CFAP92: variants seen among roughly 807,000 people sequenced by gnomAD.
CFAP92 encodes cilia and flagella associated protein 92 (putative).
In CFAP92, 86 loss-of-function variants were observed where a neutral mutation model predicts 106.3. The ratio of observed to expected loss-of-function variants is 0.81; its 90% CI spans 0.68 to 0.97. The LOEUF is 0.97. Ranked by LOEUF, CFAP92 falls within the 50% of genes least tolerant of loss-of-function variation. The pLI, the probability that CFAP92 is intolerant of heterozygous loss-of-function variation, is 0.00. For synonymous variants in CFAP92, 477 were observed against 506.4 expected (o/e 0.94, Z 0.78); for missense variants, 1,204 against 1,283.8 (o/e 0.94, Z 0.95).
chr3:128,961,001 T>C (rs1941864661), intron 9 of CFAP92, among the ~76,000 whole-genome samples: 1 of 152,228 alleles, frequency 6.6e-6, no homozygotes, highest in South Asian at 2.1e-4. Context: ...CCTTCCACCC[T>C]CCATTCCTCC....
At chr3:129,005,091 G>A (rs1945011888), upstream of CFAP92, among the ~76,000 whole-genome samples, 3 of 152,214 alleles carry the variant, frequency 2.0e-5, 1 homozygote, top group South Asian at 6.2e-4. Flanking sequence ...CTACACATTT[G>A]CTGAGCACTT....
At chr3:128,973,235 A>G (rs1942929671) in intron 7 of CFAP92, among the ~76,000 whole-genome samples, 1 of 152,204 alleles carries the variant, frequency 6.6e-6, no homozygotes, top group African/African-American at 2.4e-5. Flanking sequence ...GAATAGGAAA[A>G]TCACAGAAGA....
chr3:128,958,066 T>C (rs1009996294), intron 9 of CFAP92, among the ~76,000 whole-genome samples: 29 of 152,306 alleles, frequency 1.9e-4, no homozygotes, highest in African/African-American at 6.7e-4. Flanking sequence ...TGTGTCTGTC[T>C]CTGGGTCCAA....
chr3:128,939,138 G>C (rs930837179), intron 10 of CFAP92, among the ~76,000 whole-genome samples: 3 of 151,932 alleles, frequency 2.0e-5, no homozygotes, highest in African/African-American at 7.3e-5. Flanking sequence ...GTCTGCTAGA[G>C]TTATTTATTT....
intron 10 of CFAP92, among the ~76,000 whole-genome samples, chr3:128,936,922 C>T (rs2879784): frequency 0.14 from 21,934 of 152,090 alleles, 1,649 homozygotes; most frequent in Middle Eastern, 0.16. Context: ...GCCAAATGTA[C>T]GATTCTTTTC....
intron 13 of CFAP92, 89 bp downstream of exon 13, chr3:128,916,018 A>C: frequency 1.1e-6 from 1 of 941,782 alleles, no homozygotes; most frequent in Non-Finnish European, 1.4e-6. Flanking sequence ...TGTATAGTTG[A>C]GATCCCCCAC....
At chr3:128,980,532 T>C (rs1943466001) in intron 4 of CFAP92, among the ~76,000 whole-genome samples, 2 of 152,150 alleles carry the variant, frequency 1.3e-5, no homozygotes. Flanking sequence ...GATCAACTCT[T>C]CCTTTCATGA....
chr3:128,924,739 G>A (rs989989768), intron 12 of CFAP92, among the ~76,000 whole-genome samples: 1 of 152,038 alleles, frequency 6.6e-6, no homozygotes, highest in Admixed American at 6.5e-5. Context: ...GAGCCACCAC[G>A]CCCGACCGAT....
At chr3:128,976,920 G>T in intron 6 of CFAP92, 59 bp downstream of exon 6, 1 of 1,318,680 alleles carries the variant, frequency 7.6e-7, no homozygotes, top group Non-Finnish European at 1.1e-6. Context: ...ACGACTCATA[G>T]TAGGGCTAGT....
intron 1 of CFAP92, chr3:129,002,436 G>GCAGCCCCACACCATCCCACTCCGCAT: frequency 4.2e-6 from 6 of 1,413,264 alleles, no homozygotes; most frequent in Non-Finnish European, 5.5e-6. Context: ...GAGACAGAGG[G>GCAGCCCCACACCATCCCACTCCGCAT]CAGCCCCACA....
intron 9 of CFAP92, among the ~76,000 whole-genome samples, chr3:128,958,254 T>G (rs1369965711): frequency 1.3e-5 from 2 of 152,122 alleles, no homozygotes; most frequent in Non-Finnish European, 2.9e-5. Flanking sequence ...TTGACAAAAG[T>G]ATAGAGATAG....
rs1942313163 is a variant in CFAP92 at position 128,965,705 on chromosome 3, A to T, written c.1169-10T>A. The T allele has an allele frequency of 2.5e-6, 1 of 398,770 alleles. No individual in the cohort carries two copies. The highest frequency in any genetic ancestry group is 2.1e-5 in the African/African-American group (1 of 48,576). 24.7% of individuals were successfully genotyped at this position (398,770 alleles called of 1,614,324 possible). A position where few individuals can be genotyped will look rare whatever the true frequency, so the allele number is the denominator to read the frequency against. Reference sequence around the variant, plus strand: ...ACGACAGTTTGCCATCCTGGGGGAAATACACCCAGCATTAGACCTTTCCTC... The same window carrying T: ...ACGACAGTTTGCCATCCTGGGGGAATTACACCCAGCATTAGACCTTTCCTC... On this transcript the variant is annotated splice_polypyrimidine_tract_variant and intron_variant, in intron 8 of 15. Coordinates refer to ENST00000645291, the MANE Select transcript of CFAP92 (RefSeq NM_001394090.1).
intron 15 of CFAP92, among the ~76,000 whole-genome samples, chr3:128,911,877 C>T (rs930150850): frequency 7.2e-5 from 11 of 152,244 alleles, no homozygotes; most frequent in Non-Finnish European, 1.5e-4. Context: ...CAGTGCCCTG[C>T]AGAGGTCTCA....
At chr3:128,910,650 T>C in intron 15 of CFAP92, 3 of 1,381,204 alleles carry the variant, frequency 2.2e-6, no homozygotes, top group Non-Finnish European at 2.1e-6. Flanking sequence ...CCTGCCATGC[T>C]ACCCAGTTTG....
At position 128,988,745 on chromosome 3, in the gene CFAP92, G is replaced by T. The variant is rs1318038414; in HGVS notation, c.436C>A (p.Leu146Met). 6.2e-7 allele frequency: 1 copy of T among 1,613,442 alleles called. No homozygotes were observed. The highest frequency in any genetic ancestry group is 1.3e-5 in the African/African-American group (1 of 74,866). Residue 146 changes from leucine (L) to methionine (M), a missense_variant, in exon 3 of 16, where the codon CTG becomes ATG. Leu to Met is a conservative substitution (Grantham distance 15). Transcript: ENST00000645291. ...ACACGCACCTTTACTCCTGACTCCA[G>T]GAATACTTTGGCCACCATTGGAAAT... ...LLFPMVAKVF[L>M]ESGVKTVKPW...
At position 128,909,966 on chromosome 3, in the gene CFAP92, A is replaced by C; in HGVS notation, c.*333T>G. The stretch of plus-strand genomic sequence containing the variant: ...CAAAGATGCAGCCCAGGGAGGGACC[A>C]TGTGGGGGACTGGTCTAGGTAGTGA... On this transcript the variant is annotated 3_prime_UTR_variant, in exon 16 of 16. Transcript: ENST00000645291. 6.2e-7 allele frequency: 1 copy of C among 1,603,814 alleles called. No homozygotes were observed. The highest frequency in any genetic ancestry group is 1.1e-5 in the South Asian group (1 of 88,696).
chr3:128,988,627 G>A (rs568346832), intron 3 of CFAP92, 101 bp downstream of exon 3: 4 of 1,220,856 alleles, frequency 3.3e-6, no homozygotes, highest in Non-Finnish European at 4.6e-6. Flanking sequence ...TCCAATTCTA[G>A]CAAGCTGGAG....
In CFAP92 at chr3:128,993,309, C is replaced by T. The variant is rs1944336338; in HGVS notation, c.-5G>A. The stretch of plus-strand genomic sequence containing the variant: ...CTCCCAGGCATGTAGCGACATGCTG[C>T]AGAGCGCACTGCTGGCCGCCGGCGC... On this transcript the variant is annotated 5_prime_UTR_variant, in exon 2 of 16. Coordinates refer to ENST00000645291, the MANE Select transcript of CFAP92 (RefSeq NM_001394090.1). The T allele has an allele frequency of 6.2e-7, 1 of 1,611,774 alleles. No homozygotes were observed. The highest frequency in any genetic ancestry group is 1.3e-5 in the African/African-American group (1 of 75,016).
chr3:129,020,494 G>T, the CFAP92 span, among the ~76,000 whole-genome samples: 1 of 152,172 alleles, frequency 6.6e-6, no homozygotes, highest in Non-Finnish European at 1.5e-5. Context: ...AAAATTGGCT[G>T]AGCATGGTGG....
Sources: allele counts gnomAD v4.1 joint callset (sites outside exome capture counted in the v4.1 genomes callset), GRCh38; gene constraint gnomAD v4.1.1; transcripts MANE v1.5; gene names NCBI Gene and HGNC (gene_info 2026-07-23, HGNC 2026-07-21).